PDZRN4: variants seen among roughly 807,000 people sequenced by gnomAD.
The protein encoded by PDZRN4 is PDZ domain containing ring finger 4.
In PDZRN4, 70 loss-of-function variants were observed where a neutral mutation model predicts 99.0. The ratio of observed to expected loss-of-function variants is 0.71; its 90% CI spans 0.58 to 0.86. The LOEUF (loss-of-function observed/expected upper bound fraction) is 0.86. PDZRN4 is among the 40% of genes least tolerant of loss of function. The pLI, the probability that PDZRN4 is intolerant of heterozygous loss-of-function variation, is 0.00. For missense variants in PDZRN4, 1,474 were observed against 1,331.2 expected, an observed-to-expected ratio of 1.11 and a Z score of -1.67; for synonymous variants, 551 against 501.6, an observed-to-expected ratio of 1.10 and a Z score of -1.32.
intron 3 of PDZRN4, among the ~76,000 whole-genome samples, chr12:41,431,383 G>A (rs962504444): frequency 4.6e-5 from 7 of 152,128 alleles, no homozygotes; most frequent in Admixed American, 1.3e-4. Flanking sequence ...AAACAATAAT[G>A]ATTTGCCCCA....
At chr12:41,206,629 C>T (rs994591431) in intron 3 of PDZRN4, among the ~76,000 whole-genome samples, 5 of 151,730 alleles carry the variant, frequency 3.3e-5, no homozygotes, top group Non-Finnish European at 5.9e-5. Context: ...AGCAGGCACT[C>T]AGCTATTTAA....
chr12:41,532,952 A>G (rs1472657165), intron 5 of PDZRN4, among the ~76,000 whole-genome samples: 1 of 152,132 alleles, frequency 6.6e-6, no homozygotes, highest in Non-Finnish European at 1.5e-5. Flanking sequence ...ATTGGGGATA[A>G]TGGTCTATAA....
At chr12:41,426,606 A>G (rs1407482932) in intron 3 of PDZRN4, among the ~76,000 whole-genome samples, 1 of 152,234 alleles carries the variant, frequency 6.6e-6, no homozygotes, top group Admixed American at 6.5e-5. Context: ...CAATATTTTG[A>G]ACCTGAGTTT....
intron 7 of PDZRN4, among the ~76,000 whole-genome samples, chr12:41,558,992 A>T (rs1337494867): frequency 1.3e-5 from 2 of 152,128 alleles, no homozygotes; most frequent in African/African-American, 4.8e-5. Context: ...CTTATCCTTA[A>T]AGTTTCTTGG....
chr12:41,381,403 T>G (rs1347372799), intron 3 of PDZRN4, among the ~76,000 whole-genome samples: 4 of 152,042 alleles, frequency 2.6e-5, no homozygotes, highest in Non-Finnish European at 5.9e-5. Flanking sequence ...TCTTGCAGAT[T>G]TTCTTCACTC....
At chr12:41,350,009 T>C (rs1440372650) in intron 3 of PDZRN4, among the ~76,000 whole-genome samples, 1 of 152,074 alleles carries the variant, frequency 6.6e-6, no homozygotes, top group African/African-American at 2.4e-5. Flanking sequence ...TTAGATTTTA[T>C]CCTATCTGTA....
In PDZRN4 at chr12:41,281,702, G is replaced by T. The variant is rs1951386827; in HGVS notation, c.843+87514G>T. ...GAAAAGGAATGAACAAAGCCTCCAA[G>T]AAATATGGGACTATGTGAAAAGACC... On this transcript the variant is annotated intron_variant, in intron 3 of 9. Coordinates refer to ENST00000402685, the MANE Select transcript of PDZRN4 (RefSeq NM_001164595.2). Among the ~76,000 whole-genome samples, 6 of 152,152 alleles carry T rather than the reference G, an allele frequency of 3.9e-5. No homozygotes were observed. In the South Asian group the frequency reaches 1.2e-3, roughly 32 times the overall value.
At chr12:41,442,471 G>A (rs538804174) in intron 3 of PDZRN4, among the ~76,000 whole-genome samples, 23 of 152,212 alleles carry the variant, frequency 1.5e-4, no homozygotes, top group African/African-American at 5.5e-4. Context: ...TGGAGGGCAG[G>A]CCAGGTGCTT....
intron 3 of PDZRN4, among the ~76,000 whole-genome samples, chr12:41,267,716 C>T (rs551270066): frequency 2.7e-4 from 41 of 150,962 alleles, no homozygotes; most frequent in African/African-American, 9.9e-4. Context: ...TGGCGGATGC[C>T]TGTAATCTCA....
intron 9 of PDZRN4, among the ~76,000 whole-genome samples, chr12:41,571,376 T>TCTCA (rs1303597271): frequency 0.05 from 3,283 of 65,286 alleles, 104 homozygotes; most frequent in Non-Finnish European, 0.084. Context: ...TCTCTCTCTC[T>TCTCA]CACACACACA....
At chr12:41,500,081 A>T (rs1048171528) in intron 3 of PDZRN4, among the ~76,000 whole-genome samples, 5 of 152,026 alleles carry the variant, frequency 3.3e-5, no homozygotes, top group Non-Finnish European at 5.9e-5. Flanking sequence ...ATACACAGTC[A>T]AGCAAGGGAC....
chr12:41,201,651 T>C (rs1950816796), intron 3 of PDZRN4, among the ~76,000 whole-genome samples: 1 of 152,030 alleles, frequency 6.6e-6, no homozygotes, highest in Admixed American at 6.6e-5. Flanking sequence ...TCCAAGAGTT[T>C]TTCAACATCC....
intron 3 of PDZRN4, among the ~76,000 whole-genome samples, chr12:41,383,065 T>A (rs906458665): frequency 1.3e-5 from 2 of 152,200 alleles, no homozygotes; most frequent in Non-Finnish European, 2.9e-5. Context: ...ATATTATGAT[T>A]TTGTAATGCA....
intron 3 of PDZRN4, among the ~76,000 whole-genome samples, chr12:41,262,423 A>C (rs1033563879): frequency 2.0e-5 from 3 of 152,230 alleles, no homozygotes; most frequent in Non-Finnish European, 2.9e-5. Flanking sequence ...GTATGCAAAA[A>C]TGAGTAAGTC....
intron 3 of PDZRN4, among the ~76,000 whole-genome samples, chr12:41,378,365 T>G (rs2121096101): frequency 6.6e-6 from 1 of 152,244 alleles, no homozygotes; most frequent in South Asian, 2.1e-4. Flanking sequence ...TAATGTGCTA[T>G]TGAACTCAAT....
intron 5 of PDZRN4, among the ~76,000 whole-genome samples, chr12:41,540,118 A>G (rs1409552545): frequency 2.8e-4 from 43 of 152,226 alleles, no homozygotes; most frequent in Admixed American, 2.8e-3. Context: ...CAGTGACAAA[A>G]TGTAGAACCT....
At chr12:41,571,137 C>G (rs544148491) in intron 9 of PDZRN4, among the ~76,000 whole-genome samples, 1 of 152,022 alleles carries the variant, frequency 6.6e-6, no homozygotes, top group African/African-American at 2.4e-5. Flanking sequence ...CTATACCTAT[C>G]TATCTATCTA....
At chr12:41,328,030 G>GTA (rs1318616240) in intron 3 of PDZRN4, among the ~76,000 whole-genome samples, 2 of 152,012 alleles carry the variant, frequency 1.3e-5, no homozygotes, top group African/African-American at 4.8e-5. Flanking sequence ...AAAAAATATG[G>GTA]TATATATATG....
At chr12:41,372,119 C>A (rs1401086832) in intron 3 of PDZRN4, among the ~76,000 whole-genome samples, 1 of 150,644 alleles carries the variant, frequency 6.6e-6, no homozygotes, top group East Asian at 1.9e-4. Flanking sequence ...AGATGTAAAG[C>A]TATGCCCTAT....
Sources: allele counts gnomAD v4.1 joint callset (sites outside exome capture counted in the v4.1 genomes callset), GRCh38; gene constraint gnomAD v4.1.1; transcripts MANE v1.5; gene names NCBI Gene and HGNC (gene_info 2026-07-23, HGNC 2026-07-21).